Variants in PRDM1 observed in about 807,000 individuals in gnomAD.
The protein encoded by PRDM1 is PR/SET domain 1, also known as PR domain zinc finger protein 1.
A neutral mutation model predicts 62.8 loss-of-function variants in PRDM1; 13 were observed. The ratio of observed to expected loss-of-function variants is 0.21; its 90% CI spans 0.13 to 0.33. The LOEUF is 0.33. PRDM1 is among the 10% of genes least tolerant of loss of function. The pLI is 1.00. For synonymous variants in PRDM1, 396 were observed against 417.6 expected (o/e 0.95, Z 0.63); for missense variants, 895 against 1,058.8 (o/e 0.85, Z 2.15).
At position 106,086,634 on chromosome 6, in the gene PRDM1, G is replaced by A. The variant is rs989963164; in HGVS notation, c.42+39G>A. The A allele has an allele frequency of 4.6e-6, 7 of 1,506,428 alleles. No homozygotes were observed. In the African/African-American group the frequency reaches 9.8e-5, roughly 21 times the overall value. 93.3% of individuals were successfully genotyped at this position (1,506,428 alleles called of 1,614,324 possible). A position where few individuals can be genotyped will look rare whatever the true frequency, so the allele number is the denominator to read the frequency against. On this transcript the variant is annotated intron_variant, in intron 1 of 6. Coordinates refer to ENST00000369096, the MANE Select transcript of PRDM1 (RefSeq NM_001198.4). The stretch of plus-strand genomic sequence containing the variant: ...ATTTTTTTTTTTTAATTCTGAAATT[G>A]ATCTGAAAACTTTATTTTCTTTTCC...
At chr6:106,023,975 C>T (rs1772732004) in intron 1 of PRDM1, among the ~76,000 whole-genome samples, 1 of 152,060 alleles carries the variant, frequency 6.6e-6, no homozygotes, top group African/African-American at 2.4e-5. Context: ...GACCACATCT[C>T]TACAAAAAAT....
chr6:106,087,982 T>C (rs1365598533), intron 1 of PRDM1: 14 of 21,232 alleles, frequency 6.6e-4, no homozygotes, highest in Admixed American at 1.3e-3. Context: ...GCCACATTCT[T>C]TTTTTTTTTT....
chr6:106,029,804 A>T (rs529827924), intron 1 of PRDM1, among the ~76,000 whole-genome samples: 29 of 151,836 alleles, frequency 1.9e-4, no homozygotes, highest in African/African-American at 6.5e-4. Flanking sequence ...TCTTTTGTAG[A>T]GCTGGGATTT....
intron 1 of PRDM1, among the ~76,000 whole-genome samples, chr6:106,064,784 G>A (rs1009433599): frequency 2.6e-5 from 4 of 152,172 alleles, no homozygotes; most frequent in Non-Finnish European, 5.9e-5. Context: ...GATAGGGTGG[G>A]AGCAGAGAAC....
intron 1 of PRDM1, among the ~76,000 whole-genome samples, chr6:106,078,495 A>G (rs1773637637): frequency 6.6e-6 from 1 of 152,244 alleles, no homozygotes; most frequent in South Asian, 2.1e-4. Context: ...GGAGCAGGAT[A>G]GCAGCCAGAT....
upstream of PRDM1, among the ~76,000 whole-genome samples, chr6:106,084,713 G>T (rs1287766349): frequency 6.6e-6 from 1 of 152,180 alleles, no homozygotes; most frequent in East Asian, 1.9e-4. Flanking sequence ...GAGCAGGCTG[G>T]ATTTCTCTTG....
At chr6:106,006,388 C>CTTGCATCTT (rs1554199160) in intron 1 of PRDM1, among the ~76,000 whole-genome samples, 69 of 152,040 alleles carry the variant, frequency 4.5e-4, no homozygotes, top group South Asian at 1.0e-3. Flanking sequence ...CCTCCACAGA[C>CTTGCATCTT]CCCTATCTAA....
intron 1 of PRDM1, among the ~76,000 whole-genome samples, chr6:105,993,656 G>T (rs948038239): frequency 4.6e-5 from 7 of 152,192 alleles, no homozygotes; most frequent in African/African-American, 1.4e-4. Flanking sequence ...AAAACGTTAC[G>T]TTTACTATTT....
chr6:106,072,327 G>A (rs1472705673), intron 1 of PRDM1: 2 of 152,222 alleles, frequency 1.3e-5, no homozygotes, highest in South Asian at 2.1e-4. Flanking sequence ...TAATATGTAG[G>A]TCTTAAGCAG....
intron 4 of PRDM1, 52 bp from the exon 5 acceptor site, chr6:106,104,773 G>A: frequency 6.5e-7 from 1 of 1,533,742 alleles, no homozygotes; most frequent in Non-Finnish European, 8.8e-7. Context: ...TGGCAGTTTT[G>A]CTTCAGTTCT....
chr6:106,060,043 G>C (rs897731871), intron 1 of PRDM1, among the ~76,000 whole-genome samples: 1 of 152,224 alleles, frequency 6.6e-6, no homozygotes, highest in South Asian at 2.1e-4. Context: ...ATAGGAATCT[G>C]ATGCTCAGGG....
chr6:105,993,397 T>A (rs977278374), upstream of PRDM1, among the ~76,000 whole-genome samples: 7 of 152,192 alleles, frequency 4.6e-5, no homozygotes, highest in South Asian at 8.3e-4. Flanking sequence ...AAGCCCTCCT[T>A]ACTCCAACCT....
intron 1 of PRDM1, among the ~76,000 whole-genome samples, chr6:106,060,866 AT>A (rs1024079956): frequency 5.3e-5 from 8 of 151,932 alleles, no homozygotes; most frequent in African/African-American, 1.9e-4. Context: ...ACAAGAACTA[AT>A]GGTAGGGAGG....
At chr6:106,079,879 G>A (rs781129033) in intron 1 of PRDM1, among the ~76,000 whole-genome samples, 9 of 152,174 alleles carry the variant, frequency 5.9e-5, no homozygotes, top group African/African-American at 1.4e-4. Context: ...ATTTTAAAAG[G>A]ACAGGTTATT....
In PRDM1 at chr6:106,038,350, G is replaced by T. The variant is rs116185104; in HGVS notation, c.-67+44711G>T. ...TAGGCTGTCTCTGTGCCAAGGATCA[G>T]CCTGAGGTATAAACTTAAGGTGTTC... On this transcript the variant is annotated intron_variant, in intron 1 of 6. Coordinates refer to the PRDM1 transcript ENST00000652320. Among the ~76,000 whole-genome samples, 682 of 152,168 alleles carry T rather than the reference G, an allele frequency of 4.5e-3. 5 individuals carry two copies. Among genetic ancestry groups the T allele is most frequent in the African/African-American group, 0.016 (657 of 41,506 alleles).
chr6:106,046,376 C>T (rs781351274), upstream of PRDM1: 3 of 152,216 alleles, frequency 2.0e-5, no homozygotes, highest in African/African-American at 7.2e-5. Context: ...GGACAGTGGG[C>T]TCCTGGCTGG....
At chr6:106,054,462 G>A (rs1271986961) in intron 1 of PRDM1, among the ~76,000 whole-genome samples, 1 of 151,880 alleles carries the variant, frequency 6.6e-6, no homozygotes, top group Non-Finnish European at 1.5e-5. Flanking sequence ...TTCAGTATTT[G>A]GCTTTTTTTC....
chr6:106,062,136 C>T (rs997325047), intron 1 of PRDM1, among the ~76,000 whole-genome samples: 2 of 152,106 alleles, frequency 1.3e-5, no homozygotes, highest in Non-Finnish European at 1.5e-5. Flanking sequence ...GTCTACATGG[C>T]TTGTTTTGAT....
At chr6:106,083,400 G>A (rs946828666), upstream of PRDM1, among the ~76,000 whole-genome samples, 5 of 150,306 alleles carry the variant, frequency 3.3e-5, no homozygotes, top group Non-Finnish European at 5.9e-5. Context: ...AGTTCCTTTC[G>A]AAAAAAAAAA....
Sources: allele counts gnomAD v4.1 joint callset (sites outside exome capture counted in the v4.1 genomes callset), GRCh38; gene constraint gnomAD v4.1.1; transcripts MANE v1.5; gene names NCBI Gene and HGNC (gene_info 2026-07-23, HGNC 2026-07-21).